MAGI2: variants seen among roughly 807,000 people sequenced by gnomAD.
The protein encoded by MAGI2 is membrane associated guanylate kinase, WW and PDZ domain containing 2, also known as membrane-associated guanylate kinase, WW and PDZ domain-containing protein 2.
MAGI2 carries 35 observed loss-of-function variants against 133.3 expected under a neutral mutation model. The observed-to-expected ratio is 0.26, with a 90% CI of 0.20 to 0.35. The LOEUF is 0.35. Among genes scored for constraint, MAGI2 ranks in the 10% least tolerant of loss-of-function variants. The probability of loss-of-function intolerance (pLI) is 1.00; values close to 1 mark genes in which losing one functional copy is unlikely to be tolerated. For missense variants in MAGI2, 1,636 were observed against 1,863.4 expected (o/e 0.88, Z 2.25); for synonymous variants, 729 against 710.6 (o/e 1.03, Z -0.41).
intron 1 of MAGI2, among the ~76,000 whole-genome samples, chr7:79,229,752 A>G (rs550534415): frequency 6.6e-6 from 1 of 151,902 alleles, no homozygotes; most frequent in Non-Finnish European, 1.5e-5. Context: ...ATTTAGCAAA[A>G]TTTATTTGAA....
At chr7:78,828,407 A>G (rs1790854570) in intron 2 of MAGI2, among the ~76,000 whole-genome samples, 1 of 152,170 alleles carries the variant, frequency 6.6e-6, no homozygotes, top group Non-Finnish European at 1.5e-5. Context: ...TTCTTCCCCA[A>G]CACACAATTC....
chr7:78,499,500 T>C (rs1794427749), intron 5 of MAGI2, among the ~76,000 whole-genome samples: 1 of 152,198 alleles, frequency 6.6e-6, no homozygotes, highest in African/African-American at 2.4e-5. Context: ...AGTCATAGAA[T>C]CATTTTGCTA....
intron 16 of MAGI2, among the ~76,000 whole-genome samples, chr7:78,146,797 C>A (rs1823349872): frequency 6.6e-6 from 1 of 152,110 alleles, no homozygotes; most frequent in Admixed American, 6.6e-5. Context: ...TTTTACAGAT[C>A]CAGTGTATTT....
intron 9 of MAGI2, among the ~76,000 whole-genome samples, chr7:78,259,954 A>G (rs1459312143): frequency 6.6e-6 from 1 of 152,210 alleles, no homozygotes; most frequent in Non-Finnish European, 1.5e-5. Context: ...TTTACAATTT[A>G]TGGATATTTT....
intron 6 of MAGI2, among the ~76,000 whole-genome samples, chr7:78,415,254 A>T (rs970842246): frequency 2.0e-5 from 3 of 152,088 alleles, no homozygotes; most frequent in African/African-American, 4.8e-5. Context: ...GAGTTGTATA[A>T]ATTCTCATTG....
At chr7:78,967,761 G>A (rs192333356) in intron 2 of MAGI2, among the ~76,000 whole-genome samples, 13 of 151,766 alleles carry the variant, frequency 8.6e-5, no homozygotes, top group African/African-American at 2.4e-4. Flanking sequence ...TATTATATAC[G>A]CATGGCTTAT....
chr7:78,656,917 G>A (rs187676810), intron 2 of MAGI2, among the ~76,000 whole-genome samples: 5 of 148,482 alleles, frequency 3.4e-5, no homozygotes, highest in Non-Finnish European at 5.9e-5. Context: ...AAGTGTATAT[G>A]ATAAATAACT....
intron 1 of MAGI2, among the ~76,000 whole-genome samples, chr7:79,425,274 G>T (rs1044952881): frequency 2.6e-4 from 39 of 150,160 alleles, no homozygotes; most frequent in Admixed American, 1.2e-3. Context: ...AAAAAAGTCT[G>T]ATGTTCCCCC....
chr7:78,637,770 A>G (rs745357430), intron 2 of MAGI2, among the ~76,000 whole-genome samples: 1 of 152,184 alleles, frequency 6.6e-6, no homozygotes, highest in Non-Finnish European at 1.5e-5. Context: ...TGTAAACACT[A>G]GAGTAAATGA....
At position 78,167,919 on chromosome 7, in the gene MAGI2, C is replaced by T; in HGVS notation, c.2593G>A (p.Gly865Arg). The change falls in exon 15 of 22, where the codon GGA becomes AGA. Residue 865 changes from glycine to arginine, a missense_variant. Transcript: ENST00000354212. ...GCAGCAGGCTCCAGGTACATACCTC[C>T]ACATAGCACCTTTCTTCTCACAGTG... ...NLTVRRKVLC[G>R]GEPCPENGRS... 1 of 1,613,710 alleles carries T rather than the reference C, an allele frequency of 6.2e-7. No individual in the cohort carries two copies. Among genetic ancestry groups the T allele is most frequent in the East Asian group, 2.2e-5 (1 of 44,876 alleles).
intron 5 of MAGI2, among the ~76,000 whole-genome samples, chr7:78,493,667 C>A (rs190970429): frequency 6.6e-6 from 1 of 152,134 alleles, no homozygotes; most frequent in East Asian, 1.9e-4. Context: ...GCATCCGGAA[C>A]CTCACACTTG....
At chr7:79,080,910 C>T (rs573386181) in intron 1 of MAGI2, among the ~76,000 whole-genome samples, 1 of 152,208 alleles carries the variant, frequency 6.6e-6, no homozygotes, top group Admixed American at 6.6e-5. Flanking sequence ...TATCACTCCA[C>T]TAAAATCCAT....
intron 2 of MAGI2, among the ~76,000 whole-genome samples, chr7:78,829,103 A>G (rs1331236633): frequency 1.3e-5 from 2 of 152,142 alleles, no homozygotes; most frequent in Non-Finnish European, 2.9e-5. Context: ...CAAGACTGAC[A>G]TGATGTTTTT....
intron 6 of MAGI2, among the ~76,000 whole-genome samples, chr7:78,454,781 C>A (rs980792054): frequency 6.6e-6 from 1 of 151,958 alleles, no homozygotes; most frequent in South Asian, 2.1e-4. Flanking sequence ...CATAAAAGTA[C>A]CTTAAATGCC....
chr7:78,199,370 G>C (rs1829026891), intron 11 of MAGI2, among the ~76,000 whole-genome samples: 1 of 152,204 alleles, frequency 6.6e-6, no homozygotes, highest in Non-Finnish European at 1.5e-5. Context: ...GCTTCCTGTG[G>C]TGATGGTAGT....
At chr7:79,332,644 T>C (rs965417315) in intron 1 of MAGI2, among the ~76,000 whole-genome samples, 7 of 152,222 alleles carry the variant, frequency 4.6e-5, no homozygotes, top group African/African-American at 1.7e-4. Context: ...GGTAGAGCAG[T>C]AAATCACTAT....
chr7:78,779,822 T>A (rs756760226), intron 2 of MAGI2, among the ~76,000 whole-genome samples: 4 of 152,210 alleles, frequency 2.6e-5, no homozygotes, highest in Non-Finnish European at 5.9e-5. Flanking sequence ...AACATCCCTT[T>A]CAATCCCCAT....
At chr7:78,529,632 T>C (rs1307308066) in intron 3 of MAGI2, among the ~76,000 whole-genome samples, 2 of 151,228 alleles carry the variant, frequency 1.3e-5, no homozygotes, top group African/African-American at 2.4e-5. Flanking sequence ...TTAAATTTTT[T>C]TGTTTTTGCT....
At chr7:78,690,148 A>G (rs1816804179) in intron 2 of MAGI2, among the ~76,000 whole-genome samples, 1 of 152,138 alleles carries the variant, frequency 6.6e-6, no homozygotes, top group Admixed American at 6.5e-5. Flanking sequence ...TACATTTTGT[A>G]GTTTTTATTT....
Sources: allele counts gnomAD v4.1 joint callset (sites outside exome capture counted in the v4.1 genomes callset), GRCh38; gene constraint gnomAD v4.1.1; transcripts MANE v1.5; gene names NCBI Gene and HGNC (gene_info 2026-07-23, HGNC 2026-07-21).